The following UVRAG variants were observed in gnomAD, a reference collection of about 807,000 sequenced individuals.
UVRAG encodes the protein UV radiation resistance associated, also known as UV radiation resistance-associated gene protein.
A neutral mutation model predicts 78.0 loss-of-function variants in UVRAG; 19 were observed. That is an observed-to-expected ratio of 0.24 (90% CI 0.17 to 0.36). The LOEUF is 0.36. UVRAG is among the 10% of genes least tolerant of loss of function. The pLI, the probability that UVRAG is intolerant of heterozygous loss-of-function variation, is 1.00. For synonymous variants in UVRAG, 323 were observed against 324.6 expected (o/e 1.00, Z 0.05); for missense variants, 740 against 853.8 (o/e 0.87, Z 1.66).
intron 6 of UVRAG, among the ~76,000 whole-genome samples, chr11:75,960,395 T>C (rs1565399844): frequency 6.6e-6 from 1 of 152,178 alleles, no homozygotes; most frequent in Non-Finnish European, 1.5e-5. Flanking sequence ...ATTTTCCACA[T>C]GACAATTATG....
chr11:75,884,126 G>A lies in UVRAG; in HGVS notation c.432+4086G>A, dbSNP rs1001068943. Among the ~76,000 whole-genome samples, 9 of 152,060 alleles carry A rather than the reference G, an allele frequency of 5.9e-5. No individual in the cohort carries two copies. In the South Asian group the frequency reaches 1.2e-3, roughly 21 times the overall value. ...ATTGCCAGTCTTTTTAAATTTTGAGGTGGTATCTCATTGTAGTTTTAATTT... is the reference window on the plus strand; with the variant it reads ...ATTGCCAGTCTTTTTAAATTTTGAGATGGTATCTCATTGTAGTTTTAATTT... On this transcript the variant is annotated intron_variant, in intron 4 of 14. Transcript: ENST00000356136.
intron 12 of UVRAG, among the ~76,000 whole-genome samples, chr11:76,050,292 C>T (rs765918937): frequency 2.5e-4 from 38 of 152,154 alleles, no homozygotes; most frequent in Non-Finnish European, 5.4e-4. Flanking sequence ...TAAGAACATA[C>T]CTGAATCTTG....
chr11:75,918,697 G>A (rs931793126), intron 6 of UVRAG, among the ~76,000 whole-genome samples: 5 of 152,136 alleles, frequency 3.3e-5, no homozygotes, highest in African/African-American at 1.2e-4. Context: ...CTTTGTATTA[G>A]CCCTATCGCA....
intron 12 of UVRAG, among the ~76,000 whole-genome samples, chr11:76,045,696 C>A (rs1591172027): frequency 8.6e-6 from 1 of 115,712 alleles, no homozygotes; most frequent in Non-Finnish European, 1.9e-5. Context: ...AGTTGTTTTT[C>A]TCTTAAAAAA....
chr11:76,139,456 A>G (rs949083891), intron 14 of UVRAG, among the ~76,000 whole-genome samples: 1 of 152,170 alleles, frequency 6.6e-6, no homozygotes, highest in Non-Finnish European at 1.5e-5. Flanking sequence ...CCAGGCACAT[A>G]TGGGAACTAT....
At chr11:76,071,841 A>G (rs1951316264) in intron 13 of UVRAG, among the ~76,000 whole-genome samples, 1 of 152,178 alleles carries the variant, frequency 6.6e-6, no homozygotes, top group South Asian at 2.1e-4. Flanking sequence ...TTTGTGTATG[A>G]GCAACTCCTT....
chr11:76,039,915 A>G (rs751993215), intron 12 of UVRAG, among the ~76,000 whole-genome samples: 34 of 152,296 alleles, frequency 2.2e-4, no homozygotes, highest in Non-Finnish European at 3.5e-4. Context: ...AAAGACCTTT[A>G]TCAAAGAAAA....
At chr11:75,854,203 A>C (rs941104846) in intron 2 of UVRAG, among the ~76,000 whole-genome samples, 1 of 152,184 alleles carries the variant, frequency 6.6e-6, no homozygotes, top group Non-Finnish European at 1.5e-5. Context: ...GGTGTTCTTT[A>C]TCAGGTTCTG....
chr11:75,927,297 C>T (rs1948131308), intron 6 of UVRAG, among the ~76,000 whole-genome samples: 1 of 152,034 alleles, frequency 6.6e-6, no homozygotes, highest in South Asian at 2.1e-4. Context: ...GTCTTAACTT[C>T]TGACCTGGTG....
chr11:75,832,701 T>A (rs1022256118), intron 1 of UVRAG, among the ~76,000 whole-genome samples: 1 of 152,072 alleles, frequency 6.6e-6, no homozygotes, highest in African/African-American at 2.4e-5. Context: ...TCCCTGGAGG[T>A]CAGGGGGTAG....
intron 7 of UVRAG, among the ~76,000 whole-genome samples, chr11:75,971,093 G>T (rs1023465859): frequency 1.3e-5 from 2 of 152,108 alleles, no homozygotes; most frequent in African/African-American, 4.8e-5. Flanking sequence ...ATTTCATATA[G>T]TAGGAATCAC....
At chr11:76,072,177 T>C (rs1951323863) in intron 13 of UVRAG, among the ~76,000 whole-genome samples, 1 of 151,960 alleles carries the variant, frequency 6.6e-6, no homozygotes, top group Non-Finnish European at 1.5e-5. Context: ...AGAAGTTGAA[T>C]AGAGGAGGAA....
intron 12 of UVRAG, among the ~76,000 whole-genome samples, chr11:76,023,678 T>A (rs1950284427): frequency 6.6e-6 from 1 of 152,150 alleles, no homozygotes; most frequent in African/African-American, 2.4e-5. Context: ...CTTCAAGACC[T>A]ATGCTGAGCT....
At chr11:75,961,985 G>A (rs183321391) in intron 7 of UVRAG, among the ~76,000 whole-genome samples, 1 of 152,214 alleles carries the variant, frequency 6.6e-6, no homozygotes, top group Admixed American at 6.5e-5. Context: ...TATTAAGGAG[G>A]CATTTCCAAA....
chr11:75,823,697 C>T (rs778519453), intron 1 of UVRAG, among the ~76,000 whole-genome samples: 3 of 152,150 alleles, frequency 2.0e-5, no homozygotes, highest in Non-Finnish European at 4.4e-5. Flanking sequence ...TCCTGTTTGC[C>T]CTAGACACCC....
intron 13 of UVRAG, among the ~76,000 whole-genome samples, chr11:76,112,999 A>C (rs538211462): frequency 9.9e-5 from 15 of 152,110 alleles, no homozygotes; most frequent in Admixed American, 5.2e-4. Context: ...GGTGTGAGCC[A>C]CCACACCTGG....
intron 6 of UVRAG, chr11:75,916,038 T>A (rs1233506588): frequency 6.6e-6 from 1 of 152,258 alleles, no homozygotes; most frequent in Non-Finnish European, 1.5e-5. Context: ...TCTTTTATAC[T>A]TTTTCAAAGA....
intron 5 of UVRAG, among the ~76,000 whole-genome samples, chr11:75,904,171 A>G (rs1242170039): frequency 6.6e-6 from 1 of 152,206 alleles, no homozygotes; most frequent in Non-Finnish European, 1.5e-5. Flanking sequence ...AAGTTTGCTG[A>G]CCACTCATCT....
chr11:75,926,111 A>G (rs1948097594), intron 6 of UVRAG, among the ~76,000 whole-genome samples: 1 of 152,146 alleles, frequency 6.6e-6, no homozygotes, highest in Non-Finnish European at 1.5e-5. Context: ...CACCCACACA[A>G]TGGAGACTTT....
Sources: allele counts gnomAD v4.1 joint callset (sites outside exome capture counted in the v4.1 genomes callset), GRCh38; gene constraint gnomAD v4.1.1; transcripts MANE v1.5; gene names NCBI Gene and HGNC (gene_info 2026-07-23, HGNC 2026-07-21).